Variants in HS3ST4 observed in about 807,000 individuals in gnomAD.
HS3ST4 encodes heparan sulfate glucosamine 3-O-sulfotransferase 4.
In HS3ST4, 17 loss-of-function variants were observed where a neutral mutation model predicts 29.2. That is an observed-to-expected ratio of 0.58 (90% CI 0.40 to 0.87). HS3ST4 has a LOEUF of 0.87. HS3ST4 is among the 40% of genes least tolerant of loss of function. The pLI, the probability that HS3ST4 is intolerant of heterozygous loss-of-function variation, is 0.00. For missense variants in HS3ST4, 627 were observed against 634.5 expected, an observed-to-expected ratio of 0.99 and a Z score of 0.13; for synonymous variants, 314 against 285.7, an observed-to-expected ratio of 1.10 and a Z score of -1.00.
chr16:25,978,127 T>A (rs1405132816), intron 1 of HS3ST4, among the ~76,000 whole-genome samples: 1 of 152,188 alleles, frequency 6.6e-6, no homozygotes, highest in Non-Finnish European at 1.5e-5. Context: ...ACAAAATGGG[T>A]ACTAAGCCTG....
chr16:25,868,279 G>A (rs910433072), intron 1 of HS3ST4, among the ~76,000 whole-genome samples: 3 of 152,148 alleles, frequency 2.0e-5, no homozygotes, highest in Middle Eastern at 3.4e-3. Flanking sequence ...CGGCTGCAGC[G>A]ACTTCTATGC....
At position 25,825,823 on chromosome 16, in the gene HS3ST4, G is replaced by A. The variant is rs28607357; in HGVS notation, c.734+132672G>A. On this transcript the variant is annotated intron_variant, in intron 1 of 1. Transcript: ENST00000331351. ...TCTTCTAGTGTATTCTGTCACTGGA[G>A]TTGGTAAATGAGGCCCATACTTTGA... 2.2e-3 allele frequency: 337 copies of A among 152,328 alleles called. 3 individuals carry two copies. Among genetic ancestry groups the A allele is most frequent in the African/African-American group, 7.4e-3 (308 of 41,574 alleles). 9.4% of individuals were successfully genotyped at this position (152,328 alleles called of 1,614,324 possible). A position where few individuals can be genotyped will look rare whatever the true frequency, so the allele number is the denominator to read the frequency against.
chr16:25,816,430 G>A (rs190003335), intron 1 of HS3ST4, among the ~76,000 whole-genome samples: 40 of 152,260 alleles, frequency 2.6e-4, no homozygotes, highest in Non-Finnish European at 5.6e-4. Context: ...TGTCTTAGGT[G>A]CACCACATCA....
intron 1 of HS3ST4, among the ~76,000 whole-genome samples, chr16:25,920,687 C>T (rs1445332202): frequency 1.3e-5 from 2 of 150,750 alleles, no homozygotes; most frequent in South Asian, 2.1e-4. Flanking sequence ...ACTGCAGCCT[C>T]GAGCTTCTAA....
intron 1 of HS3ST4, among the ~76,000 whole-genome samples, chr16:25,745,574 T>C (rs757725748): frequency 2.6e-5 from 4 of 152,144 alleles, no homozygotes; most frequent in Non-Finnish European, 4.4e-5. Context: ...AAGTGTTAAA[T>C]TGGTGGATTT....
At chr16:25,943,198 C>G (rs74013105) in intron 1 of HS3ST4, among the ~76,000 whole-genome samples, 12,208 of 152,150 alleles carry the variant, frequency 0.08, 663 homozygotes, top group African/African-American at 0.14. Context: ...GGCATGGAAA[C>G]TTTTTGTACC....
chr16:25,787,373 C>T (rs970657297), intron 1 of HS3ST4, among the ~76,000 whole-genome samples: 1 of 152,180 alleles, frequency 6.6e-6, no homozygotes, highest in Non-Finnish European at 1.5e-5. Flanking sequence ...ATGTGTTTGA[C>T]CAGCATGGGG....
chr16:25,970,300 G>A (rs1028111564), intron 1 of HS3ST4, among the ~76,000 whole-genome samples: 1 of 152,198 alleles, frequency 6.6e-6, no homozygotes, highest in East Asian at 1.9e-4. Flanking sequence ...GGGATTAAAC[G>A]TGATTTTAGG....
rs1459174149 is a variant in HS3ST4, at chr16:25,789,395, CTTTG to C, written c.734+96248_734+96251del. Among the ~76,000 whole-genome samples, 4 of 143,460 alleles carry C rather than the reference CTTTG, an allele frequency of 2.8e-5. No homozygotes were observed. In the East Asian group the frequency reaches 8.2e-4, roughly 29 times the overall value. 94.1% of individuals were successfully genotyped at this position (143,460 alleles called of 152,430 possible). A position where few individuals can be genotyped will look rare whatever the true frequency, so the allele number is the denominator to read the frequency against. On this transcript the variant is annotated intron_variant, in intron 1 of 1. Transcript: ENST00000331351. Reference sequence around the variant, plus strand: ...TCTTTCTCTTTCTTTCTTTCTCTTTCTTTGTTTTTTCCTTCCTTCCTTCCTTCCT... The same window carrying C: ...TCTTTCTCTTTCTTTCTTTCTCTTTCTTTTTTCCTTCCTTCCTTCCTTCCT...
chr16:26,033,184 G>A (rs867521643), intron 1 of HS3ST4, among the ~76,000 whole-genome samples: 2 of 152,220 alleles, frequency 1.3e-5, no homozygotes, highest in Middle Eastern at 3.4e-3. Flanking sequence ...TTCGAGACCA[G>A]CCTGGGCAAC....
At chr16:25,857,316 C>T (rs1967582835) in intron 1 of HS3ST4, among the ~76,000 whole-genome samples, 1 of 152,130 alleles carries the variant, frequency 6.6e-6, no homozygotes. Context: ...TGCCTTGTGG[C>T]TTCAGCTCTC....
Position 25,693,033 on chromosome 16 carries a change from A to T in HS3ST4, c.616A>T (p.Lys206Ter). Residue 206 changes from lysine (K) to a stop codon, truncating the protein, a stop_gained, in exon 1 of 2, where the codon AAG (lysine) becomes TAG (stop). Transcript: ENST00000331351. LOFTEE classifies it high-confidence loss of function. ...GCCACAGGCGCTCATCATCGGGGTC[A>T]AGAAAGGAGGGACCCGCGCGCTGCT... ...KLPQALIIGV[K>*]KGGTRALLEA... 6.2e-7 allele frequency: 1 copy of T among 1,611,456 alleles called. No individual in the cohort carries two copies. Among genetic ancestry groups the T allele is most frequent in the South Asian group, 1.1e-5 (1 of 90,868 alleles).
chr16:25,989,384 A>G (rs1969094376), intron 1 of HS3ST4, among the ~76,000 whole-genome samples: 1 of 152,190 alleles, frequency 6.6e-6, no homozygotes, highest in African/African-American at 2.4e-5. Flanking sequence ...AATATGAGTG[A>G]TCTGGGGACA....
At position 26,004,945 on chromosome 16, in the gene HS3ST4, C is replaced by T. The variant is rs527935774; in HGVS notation, c.735-130667C>T. On this transcript the variant is annotated intron_variant, in intron 1 of 1. Coordinates refer to ENST00000331351, the MANE Select transcript of HS3ST4 (RefSeq NM_006040.3). ...GTCTATGCTTAATGTTCAGAGTTAACCCATTTTTATTACATTGCCTGTGGT... is the reference window on the plus strand; with the variant it reads ...GTCTATGCTTAATGTTCAGAGTTAATCCATTTTTATTACATTGCCTGTGGT... Among the ~76,000 whole-genome samples, 37 of 152,178 alleles carry T rather than the reference C, an allele frequency of 2.4e-4. No individual in the cohort carries two copies. In the South Asian group the frequency reaches 6.8e-3, roughly 28 times the overall value.
chr16:25,873,480 C>CTCTATCTATCTATCTA (rs1157206082), intron 1 of HS3ST4, among the ~76,000 whole-genome samples: 1 of 69,872 alleles, frequency 1.4e-5, no homozygotes, highest in African/African-American at 5.1e-5. Flanking sequence ...CCATCTATCT[C>CTCTATCTATCTATCTA]TCTATCTATC....
chr16:26,124,559 A>G (rs1165501420), intron 1 of HS3ST4, among the ~76,000 whole-genome samples: 2 of 152,232 alleles, frequency 1.3e-5, no homozygotes, highest in Non-Finnish European at 1.5e-5. Flanking sequence ...TGTTAAGAGC[A>G]TGGGAGAGAA....
chr16:25,837,161 G>A (rs1008816340), intron 1 of HS3ST4, among the ~76,000 whole-genome samples: 28 of 152,170 alleles, frequency 1.8e-4, no homozygotes, highest in African/African-American at 6.0e-4. Flanking sequence ...GGGGACTAGG[G>A]TCAGCCATGA....
chr16:25,825,030 C>T (rs1238331404), intron 1 of HS3ST4, among the ~76,000 whole-genome samples: 3 of 152,120 alleles, frequency 2.0e-5, no homozygotes, highest in African/African-American at 7.2e-5. Flanking sequence ...ATCCAATGAT[C>T]GTTGTCATTA....
chr16:25,754,660 C>T (rs961624315), intron 1 of HS3ST4, among the ~76,000 whole-genome samples: 3 of 152,072 alleles, frequency 2.0e-5, no homozygotes, highest in African/African-American at 7.2e-5. Flanking sequence ...AGAATAAGTG[C>T]CCAGTGAAGG....
Sources: allele counts gnomAD v4.1 joint callset (sites outside exome capture counted in the v4.1 genomes callset), GRCh38; gene constraint gnomAD v4.1.1; transcripts MANE v1.5; gene names NCBI Gene and HGNC (gene_info 2026-07-23, HGNC 2026-07-21).